PXDNL: variants seen among roughly 807,000 people sequenced by gnomAD.
PXDNL encodes peroxidasin like, also known as probable oxidoreductase PXDNL.
In PXDNL, 145 loss-of-function variants were observed where a neutral mutation model predicts 150.8. That is an observed-to-expected ratio of 0.96 (90% CI 0.84 to 1.10). PXDNL has a LOEUF of 1.10. Among genes scored for constraint, PXDNL ranks in the 50% least tolerant of loss-of-function variants. The pLI, the probability that PXDNL is intolerant of heterozygous loss-of-function variation, is 0.00. For missense variants in PXDNL, 2,087 were observed against 1,873.9 expected (o/e 1.11, Z -2.10); for synonymous variants, 757 against 725.7 (o/e 1.04, Z -0.69).
In PXDNL at chr8:51,408,604, G is replaced by C; in HGVS notation, c.3020C>G (p.Ala1007Gly). ...GCTGTAGGTGATGTGCTGCAGCTCC[G>C]CGCCCACGATCTTCCTGGCTTCCTG... ...VYQEARKIVG[A>G]ELQHITYSHW... is the part of the protein sequence containing the mutation. Residue 1007 changes from alanine to glycine, a missense_variant, in exon 17 of 23, where the codon GCG becomes GGG. By Grantham distance (60) the Ala-to-Gly change is moderately conservative (BLOSUM62 0). Transcript: ENST00000356297. The C allele has an allele frequency of 6.2e-7, 1 of 1,611,280 alleles. No homozygotes were observed. Among genetic ancestry groups the C allele is most frequent in the Non-Finnish European group, 8.5e-7 (1 of 1,178,876 alleles).
rs567110646 is a variant in PXDNL at position 51,351,405 on chromosome 8, G to A, written c.3902-5458C>T. Among the ~76,000 whole-genome samples, 11 of 152,282 alleles carry A rather than the reference G, an allele frequency of 7.2e-5. No homozygotes were observed. The East Asian group carries it at 2.1e-3, about 29-fold the overall frequency. On this transcript the variant is annotated intron_variant, in intron 19 of 22. Coordinates refer to ENST00000356297, the MANE Select transcript of PXDNL (RefSeq NM_144651.5). ...AGAATACTGTGTGAACATGAAGGTA[G>A]AGGTCAGAGAGATACAGCAGAAGCC...
intron 2 of PXDNL, among the ~76,000 whole-genome samples, chr8:51,613,088 C>T (rs979177706): frequency 4.6e-5 from 7 of 151,908 alleles, no homozygotes; most frequent in Admixed American, 4.6e-4. Context: ...CAGAAGGATT[C>T]GATGGAAAAT....
Position 51,380,463 on chromosome 8 carries a change from TCTCCACTCTTTAATAA to T in PXDNL, c.3558-5748_3558-5733del, listed in dbSNP as rs373241079. On this transcript the variant is annotated intron_variant, in intron 17 of 22. Transcript: ENST00000356297. The stretch of plus-strand genomic sequence containing the variant: ...TTTCTACACCTGAGAATGTTCGTTG[TCTCCACTCTTTAATAA>T]CTATCTGTAAGTCTTCTAATTATCA... Among the ~76,000 whole-genome samples, 485 of 152,342 alleles carry T rather than the reference TCTCCACTCTTTAATAA, an allele frequency of 3.2e-3. 2 individuals carry two copies. The highest frequency in any genetic ancestry group is 0.011 in the African/African-American group (459 of 41,582).
At chr8:51,467,577 A>G (rs1296700431) in intron 8 of PXDNL, among the ~76,000 whole-genome samples, 1 of 152,066 alleles carries the variant, frequency 6.6e-6, no homozygotes, top group Non-Finnish European at 1.5e-5. Flanking sequence ...CATGTAGTAT[A>G]CCTTTGTAAC....
At chr8:51,561,062 G>T (rs921382331) in intron 3 of PXDNL, among the ~76,000 whole-genome samples, 2 of 151,820 alleles carry the variant, frequency 1.3e-5, no homozygotes, top group Non-Finnish European at 2.9e-5. Flanking sequence ...ACCACAATGA[G>T]CTATCACCTC....
chr8:51,550,864 A>T (rs779645310), intron 4 of PXDNL, among the ~76,000 whole-genome samples: 5 of 152,220 alleles, frequency 3.3e-5, no homozygotes, highest in Non-Finnish European at 7.4e-5. Flanking sequence ...ATCAGTAAAG[A>T]GGAGTCAAAC....
intron 17 of PXDNL, among the ~76,000 whole-genome samples, chr8:51,407,174 A>T (rs1288839245): frequency 6.6e-6 from 1 of 152,188 alleles, no homozygotes; most frequent in African/African-American, 2.4e-5. Flanking sequence ...GAAATGTGCA[A>T]ATTCAATCTG....
chr8:51,362,708 G>C (rs1215933836), intron 19 of PXDNL, among the ~76,000 whole-genome samples: 2 of 152,146 alleles, frequency 1.3e-5, no homozygotes, highest in Non-Finnish European at 2.9e-5. Context: ...GGAATTGCCT[G>C]GCTGGCAGTT....
intron 14 of PXDNL, among the ~76,000 whole-genome samples, chr8:51,421,624 G>T (rs575476471): frequency 1.3e-5 from 2 of 152,106 alleles, no homozygotes; most frequent in Admixed American, 6.5e-5. Context: ...GCTTGAACCC[G>T]AGAGTCGGAA....
intron 3 of PXDNL, among the ~76,000 whole-genome samples, chr8:51,574,218 T>C (rs1022013015): frequency 1.3e-5 from 2 of 151,398 alleles, no homozygotes; most frequent in South Asian, 2.1e-4. Context: ...ATAGGAAATA[T>C]AAAAAACACC....
At chr8:51,508,349 G>A (rs927850617) in intron 4 of PXDNL, among the ~76,000 whole-genome samples, 10 of 152,210 alleles carry the variant, frequency 6.6e-5, no homozygotes, top group African/African-American at 2.4e-4. Flanking sequence ...TTTGAATTGT[G>A]GCTATGTCAT....
At chr8:51,568,836 A>G (rs1420364733) in intron 3 of PXDNL, among the ~76,000 whole-genome samples, 1 of 151,794 alleles carries the variant, frequency 6.6e-6, no homozygotes, top group African/African-American at 2.4e-5. Flanking sequence ...CTCTATTAAC[A>G]TATCACCAAG....
At chr8:51,674,542 T>G (rs1815565638) in intron 1 of PXDNL, among the ~76,000 whole-genome samples, 1 of 152,220 alleles carries the variant, frequency 6.6e-6, no homozygotes, top group African/African-American at 2.4e-5. Context: ...AGTTATAAGT[T>G]CTCTAGGGAA....
intron 20 of PXDNL, among the ~76,000 whole-genome samples, chr8:51,344,711 G>T (rs1806089848): frequency 6.6e-6 from 1 of 152,190 alleles, no homozygotes; most frequent in Non-Finnish European, 1.5e-5. Context: ...ATTACAGAAT[G>T]TGTGTTACAG....
intron 1 of PXDNL, among the ~76,000 whole-genome samples, chr8:51,784,159 T>C (rs963323785): frequency 1.3e-5 from 2 of 152,232 alleles, no homozygotes; most frequent in African/African-American, 4.8e-5. Context: ...AAGACTCTCC[T>C]CTCTTTTTCT....
chr8:51,507,760 G>A (rs1355094142), intron 4 of PXDNL, among the ~76,000 whole-genome samples: 3 of 152,162 alleles, frequency 2.0e-5, no homozygotes, highest in African/African-American at 7.2e-5. Flanking sequence ...AGTTGTCGCA[G>A]CTGGAAGTGG....
chr8:51,659,414 G>A (rs1174004199), intron 1 of PXDNL, among the ~76,000 whole-genome samples: 3 of 152,122 alleles, frequency 2.0e-5, no homozygotes, highest in Non-Finnish European at 2.9e-5. Flanking sequence ...GAAGCAATTC[G>A]GAATCAACAT....
chr8:51,792,145 T>C (rs944556447), intron 1 of PXDNL, among the ~76,000 whole-genome samples: 1 of 152,094 alleles, frequency 6.6e-6, no homozygotes, highest in Admixed American at 6.5e-5. Flanking sequence ...GGGGCCAAGA[T>C]GGCTGACTAA....
intron 21 of PXDNL, 75 bp from the exon 22 acceptor site, chr8:51,320,972 G>T: frequency 9.4e-7 from 1 of 1,060,304 alleles, no homozygotes; most frequent in Non-Finnish European, 1.5e-6. Flanking sequence ...AACATGGTTT[G>T]ATGAAATGCT....
Sources: allele counts gnomAD v4.1 joint callset (sites outside exome capture counted in the v4.1 genomes callset), GRCh38; gene constraint gnomAD v4.1.1; transcripts MANE v1.5; gene names NCBI Gene and HGNC (gene_info 2026-07-23, HGNC 2026-07-21).